The following ETV3 variants were observed in gnomAD, a reference collection of about 807,000 sequenced individuals.
ETV3 encodes the protein ETS translocation variant 3.
ETV3 carries 8 observed loss-of-function variants against 33.0 expected under a neutral mutation model. The observed-to-expected ratio is 0.24, with a 90% CI of 0.14 to 0.44. The LOEUF (loss-of-function observed/expected upper bound fraction) is 0.44. ETV3 is among the 20% of genes least tolerant of loss of function. The pLI is 1.00. For synonymous variants in ETV3, 222 were observed against 238.9 expected, an observed-to-expected ratio of 0.93 and a Z score of 0.65; for missense variants, 473 against 652.3, an observed-to-expected ratio of 0.73 and a Z score of 2.99.
At position 157,135,775 on chromosome 1, in the gene ETV3, C is replaced by G. The variant is rs1164069241; in HGVS notation, c.47-67G>C. On this transcript the variant is annotated intron_variant, in intron 2 of 4. Transcript: ENST00000368192. ...GGTACATACATACCAGCAACCCCAA[C>G]TGCACATTCCACTGCTCAGAATCTA... 3 of 1,446,240 alleles carry G rather than the reference C, an allele frequency of 2.1e-6. No individual in the cohort carries two copies. The East Asian group carries it at 6.8e-5, about 33-fold the overall frequency. 89.6% of individuals were successfully genotyped at this position (1,446,240 alleles called of 1,614,324 possible).
intron 2 of ETV3, 100 bp from the exon 3 acceptor site, chr1:157,135,808 TTGCAAACA>T: frequency 8.2e-7 from 1 of 1,226,454 alleles, no homozygotes; most frequent in Non-Finnish European, 1.2e-6. Flanking sequence ...CTAGAGTGCT[TTGCAAACA>T]TGCTGTAAGT....
intron 2 of ETV3, 44 bp from the exon 3 acceptor site, chr1:157,135,752 T>C (rs768836890): frequency 6.3e-7 from 1 of 1,588,482 alleles, no homozygotes; most frequent in Admixed American, 1.7e-5. Context: ...AAGAGGTAGG[T>C]ACATACATAC....
At chr1:157,135,305 A>G (rs1423677532) in intron 3 of ETV3, 166 bp downstream of exon 3, 2 of 794,628 alleles carry the variant, frequency 2.5e-6, no homozygotes, top group South Asian at 1.8e-5. Context: ...TCCTGTGCCT[A>G]TGCTACTCAC....
At position 157,125,090 on chromosome 1, in the gene ETV3, G is replaced by A. The variant is rs1674796455; in HGVS notation, c.1290C>T (p.Pro430=). The A allele has an allele frequency of 6.5e-7, 1 of 1,545,714 alleles. No homozygotes were observed. ...GTIFARPAAP[P]IWPSVPISTP... Reference sequence around the variant, plus strand: ...TGCTAATGGGCACAGAGGGCCAGATGGGTGGTGCAGCAGGACGGGCAAAGA... The same window carrying A: ...TGCTAATGGGCACAGAGGGCCAGATAGGTGGTGCAGCAGGACGGGCAAAGA... The change falls in exon 5 of 5, where the codon CCC becomes CCT. Residue 430 remains proline (P), a synonymous_variant. Coordinates refer to ENST00000368192, the MANE Select transcript of ETV3 (RefSeq NM_001145312.3). The surrounding 1 kb of genome is among the most constrained non-coding windows in gnomAD (Gnocchi z 4.0).
intron 4 of ETV3, among the ~76,000 whole-genome samples, chr1:157,130,670 T>C (rs1342912864): frequency 1.3e-5 from 2 of 152,232 alleles, no homozygotes; most frequent in African/African-American, 4.8e-5. Flanking sequence ...TGTGCCTCAG[T>C]TTCCTTACCT....
In ETV3 at chr1:157,124,752, A is replaced by ACTTC; in HGVS notation, c.*88_*89insGAAG. The stretch of plus-strand genomic sequence containing the variant: ...CCCCTAGAATGATCAAACCAGTTTA[A>ACTTC]CTCCCTCCCCCCCACCCTGAAATCT... On this transcript the variant is annotated 3_prime_UTR_variant, in exon 5 of 5. Transcript: ENST00000368192. 1 of 467,808 alleles carries ACTTC rather than the reference A, an allele frequency of 2.1e-6. No homozygotes were observed. The highest frequency in any genetic ancestry group is 4.0e-6 in the Non-Finnish European group (1 of 251,076). The allele number at this position is 467,808 out of a possible 1,614,324, so 29.0% of individuals were successfully genotyped here.
intron 4 of ETV3, among the ~76,000 whole-genome samples, chr1:157,131,969 C>T (rs1360932421): frequency 6.6e-6 from 1 of 152,198 alleles, no homozygotes; most frequent in Non-Finnish European, 1.5e-5. Context: ...GTTTTGCTTT[C>T]CTTGTGCTTT....
intron 1 of ETV3, among the ~76,000 whole-genome samples, chr1:157,137,387 C>G (rs991399432): frequency 6.6e-6 from 1 of 151,964 alleles, no homozygotes; most frequent in African/African-American, 2.4e-5. Flanking sequence ...TAGGATTTCT[C>G]TAGATCTTTT....
rs1034429249 is a variant in ETV3 at position 157,125,187 on chromosome 1, C to T, written c.1193G>A (p.Arg398Gln). 10 of 1,551,990 alleles carry T rather than the reference C, an allele frequency of 6.4e-6. No individual in the cohort carries two copies. Among genetic ancestry groups the T allele is most frequent in the Admixed American group, 2.0e-5 (1 of 50,984 alleles). ...KDPESLRQSA[R>Q]EKEEHTQEEG... ...TTCTTGAGTGTGCTCCTCCTTCTCT[C>T]GTGCCGACTGCCTGAGGCTCTCAGG... Residue 398 changes from arginine (R) to glutamine (Q), a missense_variant, in exon 5 of 5, where the codon CGA becomes CAA. Arg to Gln is a conservative substitution (Grantham distance 43). Coordinates refer to ENST00000368192, the MANE Select transcript of ETV3 (RefSeq NM_001145312.3). The surrounding 1 kb of genome is among the most constrained non-coding windows in gnomAD (Gnocchi z 4.0).
At chr1:157,134,817 G>T (rs1163146314) in intron 3 of ETV3, among the ~76,000 whole-genome samples, 1 of 152,222 alleles carries the variant, frequency 6.6e-6, no homozygotes, top group African/African-American at 2.4e-5. Context: ...TTACATTTCA[G>T]GTCAGGAGAA....
At position 157,125,463 on chromosome 1, in the gene ETV3, G is replaced by A. The variant is rs1674809206; in HGVS notation, c.917C>T (p.Ala306Val). 6.4e-7 allele frequency: 1 copy of A among 1,552,350 alleles called. No homozygotes were observed. The highest frequency in any genetic ancestry group is 8.7e-7 in the Non-Finnish European group (1 of 1,147,140). Residue 306 changes from alanine to valine, a missense_variant, in exon 5 of 5, where the codon GCT becomes GTT. Ala to Val is a moderately conservative substitution (Grantham distance 64). Coordinates refer to ENST00000368192, the MANE Select transcript of ETV3 (RefSeq NM_001145312.3). This position sits in a 1 kb window ranked among gnomAD's most constrained non-coding sequence, Gnocchi z 4.0. The part of the protein sequence containing the change: ...EEMKHYLHSQ[A>V]CSVFNYHLSP... ...CAGATGGTAGTTGAACACAGAACAAGCTTGAGAATGAAGGTAGTGTTTCAT... is the reference window on the plus strand; with the variant it reads ...CAGATGGTAGTTGAACACAGAACAAACTTGAGAATGAAGGTAGTGTTTCAT...
chr1:157,126,036 C>A, intron 4 of ETV3, 57 bp from the exon 5 acceptor site: 1 of 1,424,180 alleles, frequency 7.0e-7, no homozygotes, highest in South Asian at 1.5e-5. Flanking sequence ...TCATTATCAT[C>A]ACTTATGCTA....
At chr1:157,126,201 C>A (rs899631670) in intron 4 of ETV3, among the ~76,000 whole-genome samples, 1 of 152,216 alleles carries the variant, frequency 6.6e-6, no homozygotes, top group Non-Finnish European at 1.5e-5. Flanking sequence ...GTACTCCTTA[C>A]TGTCAAAAAC....
Position 157,123,306 on chromosome 1 carries a change from G to A in ETV3, c.*1535C>T, listed in dbSNP as rs185524133. The A allele has an allele frequency of 6.6e-6, 1 of 152,356 alleles. No homozygotes were observed. Among genetic ancestry groups the A allele is most frequent in the East Asian group, 1.9e-4 (1 of 5,186 alleles). The allele number at this position is 152,356 out of a possible 1,614,324, so 9.4% of individuals were successfully genotyped here. On this transcript the variant is annotated 3_prime_UTR_variant, in exon 5 of 5. Coordinates refer to ENST00000368192, the MANE Select transcript of ETV3 (RefSeq NM_001145312.3). ...TGCTGCTTCTTTCTCTCTGCCCCTA[G>A]TCCAGGCTCCTTTGCTTCACGTAAG...
chr1:157,134,218 G>A lies in ETV3; in HGVS notation c.294C>T (p.Tyr98=), dbSNP rs778647895. Residue 98 remains tyrosine, a synonymous_variant, in exon 4 of 5, where the codon TAC becomes TAT. Coordinates refer to ENST00000368192, the MANE Select transcript of ETV3 (RefSeq NM_001145312.3). ...DKLSRALRYY[Y]NKRILHKTKG... is the part of the protein sequence containing the mutation. ...TTGTTTTATGAAGGATCCTCTTGTTGTAATAGTATCTGTAAAAACAGGAAT... is the reference window on the plus strand; with the variant it reads ...TTGTTTTATGAAGGATCCTCTTGTTATAATAGTATCTGTAAAAACAGGAAT... 3.1e-6 allele frequency: 5 copies of A among 1,611,976 alleles called. No individual in the cohort carries two copies. In the Admixed American group the frequency reaches 5.0e-5, roughly 16 times the overall value.
chr1:157,129,740 T>C (rs898271629), intron 4 of ETV3, among the ~76,000 whole-genome samples: 1 of 152,152 alleles, frequency 6.6e-6, no homozygotes, highest in African/African-American at 2.4e-5. Flanking sequence ...GTACATCTAC[T>C]CAAAAGCAAA....
In ETV3 at chr1:157,125,281, G is replaced by C. The variant is rs377154346; in HGVS notation, c.1099C>G (p.Pro367Ala). Reference sequence around the variant, plus strand: ...GAAGCCATGGTGGGCGTGGTGACTGGTGCTGACTCCTCGCTGCTCTCAACC... The same window carrying C: ...GAAGCCATGGTGGGCGTGGTGACTGCTGCTGACTCCTCGCTGCTCTCAACC... ...ERVESSEESA[P>A]VTTPTMASIP... The change falls in exon 5 of 5, where the codon CCA becomes GCA. Residue 367 changes from proline (P) to alanine (A), a missense_variant. By Grantham distance (27) the Pro-to-Ala change is conservative. Transcript: ENST00000368192. The surrounding 1 kb of genome is among the most constrained non-coding windows in gnomAD (Gnocchi z 4.0). 27 of 1,552,130 alleles carry C rather than the reference G, an allele frequency of 1.7e-5. No individual in the cohort carries two copies. The South Asian group carries it at 3.1e-4, about 18-fold the overall frequency.
At chr1:157,136,470 T>C in intron 1 of ETV3, 105 bp from the exon 2 acceptor site, 1 of 991,192 alleles carries the variant, frequency 1.0e-6, no homozygotes, top group East Asian at 2.6e-5. Flanking sequence ...CCTGTTCTTC[T>C]TTCCGTATGC....
intron 4 of ETV3, 112 bp from the exon 5 acceptor site, chr1:157,126,091 A>G: frequency 3.1e-6 from 3 of 974,758 alleles, no homozygotes; most frequent in Admixed American, 2.9e-5. Flanking sequence ...AATCATTCCA[A>G]CTGGACTGAA....
Sources: allele counts gnomAD v4.1 joint callset (sites outside exome capture counted in the v4.1 genomes callset), GRCh38; gene constraint gnomAD v4.1.1; non-coding constraint Gnocchi (gnomAD v3.1); transcripts MANE v1.5; gene names NCBI Gene and HGNC (gene_info 2026-07-23, HGNC 2026-07-21).